Variants in RAB31 observed in about 807,000 individuals in gnomAD.
RAB31 encodes the protein ras-related protein Rab-31.
In RAB31, 21 loss-of-function variants were observed where a neutral mutation model predicts 25.6. The ratio of observed to expected loss-of-function variants is 0.82; its 90% CI spans 0.58 to 1.18. The LOEUF is 1.18. Ranked by LOEUF, RAB31 falls within the 50% of genes most tolerant of loss-of-function variation. The pLI is 0.00. For synonymous variants in RAB31, 87 were observed against 84.0 expected, an observed-to-expected ratio of 1.04 and a Z score of -0.20; for missense variants, 196 against 250.1, an observed-to-expected ratio of 0.78 and a Z score of 1.46.
At chr18:9,727,125 T>C (rs2068099582) in intron 1 of RAB31, among the ~76,000 whole-genome samples, 1 of 152,200 alleles carries the variant, frequency 6.6e-6, no homozygotes, top group African/African-American at 2.4e-5. Flanking sequence ...ACATGGATGC[T>C]GGCCTGGGGA....
chr18:9,806,140 G>C (rs1431449568), intron 3 of RAB31, among the ~76,000 whole-genome samples: 2 of 149,904 alleles, frequency 1.3e-5, no homozygotes, highest in South Asian at 2.1e-4. Flanking sequence ...TGGCGCCAGT[G>C]CACTCCAGCC....
intron 4 of RAB31, among the ~76,000 whole-genome samples, chr18:9,814,484 T>C (rs1467231080): frequency 1.3e-5 from 2 of 152,274 alleles, no homozygotes; most frequent in African/African-American, 4.8e-5. Context: ...TGTGTGTGTA[T>C]ATATAAGTAT....
At chr18:9,794,842 A>C (rs2068479000) in intron 3 of RAB31, among the ~76,000 whole-genome samples, 1 of 151,928 alleles carries the variant, frequency 6.6e-6, no homozygotes, top group Non-Finnish European at 1.5e-5. Context: ...AAAAACAAAA[A>C]ACAAAAAAAG....
chr18:9,848,797 C>T (rs535374046), intron 6 of RAB31, among the ~76,000 whole-genome samples: 2 of 152,170 alleles, frequency 1.3e-5, no homozygotes, highest in Non-Finnish European at 2.9e-5. Context: ...CACATTGACT[C>T]GGATGAAGAG....
chr18:9,807,605 T>G (rs2068548579), intron 3 of RAB31, among the ~76,000 whole-genome samples: 1 of 152,220 alleles, frequency 6.6e-6, no homozygotes, highest in Non-Finnish European at 1.5e-5. Flanking sequence ...CTACAGCATC[T>G]TAAATCATTG....
intron 6 of RAB31, among the ~76,000 whole-genome samples, chr18:9,857,649 A>G (rs919135097): frequency 8.2e-6 from 1 of 122,036 alleles, no homozygotes; most frequent in Non-Finnish European, 1.9e-5. Context: ...ATATAGATAG[A>G]TAGATAGATA....
At chr18:9,804,613 A>ATGTTGCC (rs1299410619) in intron 3 of RAB31, among the ~76,000 whole-genome samples, 6 of 152,188 alleles carry the variant, frequency 3.9e-5, no homozygotes, top group African/African-American at 7.2e-5. Context: ...TGGCTAAAAT[A>ATGTTGCC]CAGTAGAAAA....
chr18:9,769,400 AGG>A (rs748865782), intron 1 of RAB31, among the ~76,000 whole-genome samples: 1 of 152,134 alleles, frequency 6.6e-6, no homozygotes, highest in Non-Finnish European at 1.5e-5. Context: ...CTCTTTGAAG[AGG>A]TCCTTCACAT....
At chr18:9,850,889 A>C (rs1351241031) in intron 6 of RAB31, among the ~76,000 whole-genome samples, 1 of 152,102 alleles carries the variant, frequency 6.6e-6, no homozygotes, top group Non-Finnish European at 1.5e-5. Context: ...TAAATAAATA[A>C]ATAAGGTAAA....
At chr18:9,819,582 A>G (rs996343371) in intron 5 of RAB31, among the ~76,000 whole-genome samples, 3 of 152,102 alleles carry the variant, frequency 2.0e-5, no homozygotes, top group Non-Finnish European at 2.9e-5. Flanking sequence ...TTTAGGATCT[A>G]TTTCTTAATT....
chr18:9,842,639 C>T (rs577333928), intron 5 of RAB31, among the ~76,000 whole-genome samples: 100 of 152,310 alleles, frequency 6.6e-4, no homozygotes, highest in African/African-American at 2.3e-3. Flanking sequence ...GGAGTAGGCT[C>T]CTGCCCCGCC....
intron 1 of RAB31, among the ~76,000 whole-genome samples, chr18:9,739,328 TG>T (rs2068166007): frequency 6.6e-6 from 1 of 151,986 alleles, no homozygotes; most frequent in Admixed American, 6.5e-5. Context: ...AAAAATTAGC[TG>T]GGTGTGGTGG....
intron 2 of RAB31, among the ~76,000 whole-genome samples, chr18:9,777,160 G>T (rs997302752): frequency 1.2e-5 from 1 of 86,538 alleles, no homozygotes; most frequent in African/African-American, 4.7e-5. Flanking sequence ...TGGCCAACAC[G>T]GTGAAACCCC....
At chr18:9,818,614 T>C (rs1157927599) in intron 5 of RAB31, among the ~76,000 whole-genome samples, 2 of 152,216 alleles carry the variant, frequency 1.3e-5, no homozygotes, top group African/African-American at 4.8e-5. Flanking sequence ...ATTTCTACTT[T>C]TTTGCTATTA....
intron 6 of RAB31, among the ~76,000 whole-genome samples, chr18:9,846,908 G>A (rs2068764846): frequency 6.6e-6 from 1 of 152,158 alleles, no homozygotes; most frequent in African/African-American, 2.4e-5. Context: ...CCAGCTGCTG[G>A]CCCTTTCCTT....
rs73940023 is a variant in RAB31 at position 9,766,388 on chromosome 18, T to C, written c.40-8890T>C. Among the ~76,000 whole-genome samples the C allele has an allele frequency of 2.6e-3, 389 of 151,322 alleles. 2 individuals carry two copies. Among genetic ancestry groups the C allele is most frequent in the African/African-American group, 9.1e-3 (375 of 41,416 alleles). ...CTCATTACTATGCACTGCCTTCGCT[T>C]GCAGGCATCTCCACACAAGGACCTG... On this transcript the variant is annotated intron_variant, in intron 1 of 6. Coordinates refer to ENST00000578921, the MANE Select transcript of RAB31 (RefSeq NM_006868.4). The surrounding 1 kb of genome is among the most constrained non-coding windows in gnomAD (Gnocchi z 4.3).
At chr18:9,844,460 T>C (rs1223098408) in intron 5 of RAB31, among the ~76,000 whole-genome samples, 1 of 152,234 alleles carries the variant, frequency 6.6e-6, no homozygotes, top group East Asian at 1.9e-4. Context: ...TGACCACCTC[T>C]GGGCATCTTC....
chr18:9,748,594 A>G (rs1283077623), intron 1 of RAB31, among the ~76,000 whole-genome samples: 2 of 101,216 alleles, frequency 2.0e-5, no homozygotes, highest in Non-Finnish European at 4.4e-5. Flanking sequence ...ATCTGTTGAT[A>G]TTTAAAAATA....
intron 1 of RAB31, among the ~76,000 whole-genome samples, chr18:9,734,646 G>A (rs948488747): frequency 1.3e-5 from 2 of 152,150 alleles, no homozygotes; most frequent in Non-Finnish European, 2.9e-5. Context: ...AGCGGGGCCC[G>A]AGGAGCCACC....
Sources: gnomAD v4.1 joint callset for allele counts (sites outside exome capture counted in the v4.1 genomes callset) on GRCh38, gnomAD v4.1.1 for gene constraint, Gnocchi (gnomAD v3.1) non-coding constraint, MANE v1.5 for transcripts, NCBI Gene and HGNC (gene_info 2026-07-23, HGNC 2026-07-21) for gene names.